The following HERC2 variants were observed in gnomAD, a reference collection of about 807,000 sequenced individuals.
HERC2 encodes E3 ubiquitin-protein ligase HERC2.
In HERC2, 102 loss-of-function variants were observed where a neutral mutation model predicts 537.7. That is an observed-to-expected ratio of 0.19 (90% confidence interval 0.16 to 0.22). The LOEUF is 0.22. Among genes scored for constraint, HERC2 ranks in the 10% least tolerant of loss-of-function variants. The pLI is 1.00. For synonymous variants in HERC2, 2,224 were observed against 2,466.2 expected, an observed-to-expected ratio of 0.90 and a Z score of 2.91; for missense variants, 4,236 against 6,198.2, an observed-to-expected ratio of 0.68 and a Z score of 10.63.
chr15:28,292,784 T>C lies in HERC2; in HGVS notation c.322+104A>G, dbSNP rs953329809. 9.2e-6 allele frequency: 11 copies of C among 1,200,244 alleles called. No homozygotes were observed. The African/African-American group carries it at 1.2e-4, about 14-fold the overall frequency. The allele number at this position is 1,200,244 out of a possible 1,614,324, so 74.3% of individuals were successfully genotyped here. On this transcript the variant is annotated intron_variant, in intron 4 of 92. Transcript: ENST00000261609. ...CACAATATTTAAATTTTTTATTTAC[T>C]TTTTTTAAAATTGTTACCAAAAAAA...
At chr15:28,139,619 A>ATTACAATTTT (rs1890989432) in intron 78 of HERC2, among the ~76,000 whole-genome samples, 1 of 152,214 alleles carries the variant, frequency 6.6e-6, no homozygotes, top group Admixed American at 6.5e-5. Context: ...AGAGTATCTC[A>ATTACAATTTT]CTCATGAATA....
rs1349815255 is a variant in HERC2 at position 28,268,684 on chromosome 15, C to T, written c.1447-68G>A. On this transcript the variant is annotated intron_variant, in intron 11 of 92. Transcript: ENST00000261609. This position sits in a 1 kb window ranked among gnomAD's most constrained non-coding sequence, Gnocchi z 4.7. The stretch of plus-strand genomic sequence containing the variant: ...GGAAAATGAAACCAGCTCAGCTCTC[C>T]GTTATCATGTATCCCCAAGCAAAGC... 39 of 1,334,174 alleles carry T rather than the reference C, an allele frequency of 2.9e-5. No homozygotes were observed. The East Asian group carries it at 3.7e-4, about 13-fold the overall frequency. The allele number at this position is 1,334,174 out of a possible 1,614,324, so 82.6% of individuals were successfully genotyped here.
chr15:28,233,080 A>C, intron 30 of HERC2, 66 bp downstream of exon 30: 2 of 1,247,648 alleles, frequency 1.6e-6, no homozygotes, highest in African/African-American at 1.5e-5. Flanking sequence ...CTCTGAAATC[A>C]CAGATCCAAT....
chr15:28,175,293 C>T (rs568210841), intron 64 of HERC2, among the ~76,000 whole-genome samples: 5 of 152,180 alleles, frequency 3.3e-5, no homozygotes, highest in African/African-American at 7.2e-5. Context: ...AGAGTGGGAA[C>T]GCCTCTTTTC....
intron 45 of HERC2, among the ~76,000 whole-genome samples, chr15:28,204,932 G>A (rs1247306637): frequency 1.3e-5 from 2 of 151,976 alleles, no homozygotes; most frequent in African/African-American, 2.4e-5. Context: ...AAGGCAGGGG[G>A]AAAAAACAAT....
chr15:28,187,521 C>T lies in HERC2; in HGVS notation c.8650-769G>A, dbSNP rs542991136. Among the ~76,000 whole-genome samples, 142 of 152,134 alleles carry T rather than the reference C, an allele frequency of 9.3e-4. 2 individuals carry two copies. The South Asian group carries it at 0.028, about 30-fold the overall frequency. ...TAATTTTTTGTATTTTTAGTAGAGA[C>T]AAGGTTTCACCATGTTGGCTAGGCT... On this transcript the variant is annotated intron_variant, in intron 55 of 92. Coordinates refer to ENST00000261609, the MANE Select transcript of HERC2 (RefSeq NM_004667.6).
At chr15:28,292,859 T>C in intron 4 of HERC2, 29 bp downstream of exon 4, 3 of 1,604,156 alleles carry the variant, frequency 1.9e-6, no homozygotes, top group Middle Eastern at 2.3e-4. Context: ...AGATCAACCT[T>C]TCCAAAGTGC....
At position 28,322,094 on chromosome 15, in the gene HERC2, C is replaced by G. The variant is rs1320780106; in HGVS notation, c.-51G>C. On this transcript the variant is annotated 5_prime_UTR_variant, in exon 1 of 93. Transcript: ENST00000261609. ...CAGGACCTGACGCGCAGGGCCCGGC[C>G]GCCTCGCCTCGCCGGCGCGCGGACG... is the stretch of plus-strand genomic sequence containing the variant. 4 of 84,338 alleles carry G rather than the reference C, an allele frequency of 4.7e-5. No individual in the cohort carries two copies. The highest frequency in any genetic ancestry group is 2.3e-4 in the African/African-American group (4 of 17,712). The allele number at this position is 84,338 out of a possible 1,614,324, so 5.2% of individuals were successfully genotyped here. A position where few individuals can be genotyped will look rare whatever the true frequency, so the allele number is the denominator to read the frequency against.
chr15:28,239,752 G>A (rs901939032), intron 23 of HERC2, among the ~76,000 whole-genome samples: 1 of 150,542 alleles, frequency 6.6e-6, no homozygotes, highest in Non-Finnish European at 1.5e-5. Flanking sequence ...TGTTGGTCTA[G>A]AATAAGAGAA....
chr15:28,113,810 T>G lies in HERC2; in HGVS notation c.13914-132A>C. 2.8e-6 allele frequency: 2 copies of G among 711,924 alleles called. No individual in the cohort carries two copies. Among genetic ancestry groups the G allele is most frequent in the South Asian group, 3.3e-5 (2 of 60,762 alleles). The allele number at this position is 711,924 out of a possible 1,614,324, so 44.1% of individuals were successfully genotyped here. On this transcript the variant is annotated intron_variant, in intron 90 of 92. Transcript: ENST00000261609. This position sits in a 1 kb window ranked among gnomAD's most constrained non-coding sequence, Gnocchi z 7.0. ...GGAGAACAGAGGGAGCAGCTCCAGA[T>G]GGCATGAGCATGCTTAGCAGCTCGG...
At position 28,169,550 on chromosome 15, in the gene HERC2, T is replaced by A; in HGVS notation, c.10163A>T (p.Asp3388Val). ...PSLAKILLSL[D>V]GNLAKQQALS... ...GGCCTGCTGTTTGGCCAGATTTCCA[T>A]CCAATGACAAGAGAATCTTGGCAAG... The change falls in exon 66 of 93, where the codon GAT (aspartate) becomes GTT (valine). Residue 3388 changes from aspartate to valine, a missense_variant. Transcript: ENST00000261609. 1 of 1,613,228 alleles carries A rather than the reference T, an allele frequency of 6.2e-7. No homozygotes were observed. Among genetic ancestry groups the A allele is most frequent in the Non-Finnish European group, 8.5e-7 (1 of 1,179,326 alleles).
At chr15:28,212,770 T>A (rs968411420) in intron 42 of HERC2, 187 bp from the exon 43 acceptor site, 4 of 222,428 alleles carry the variant, frequency 1.8e-5, no homozygotes, top group African/African-American at 9.4e-5. Flanking sequence ...ATATAATAAG[T>A]ATAATCTATA....
At chr15:28,273,804 T>C (rs1051867179) in intron 7 of HERC2, among the ~76,000 whole-genome samples, 1 of 152,230 alleles carries the variant, frequency 6.6e-6, no homozygotes, top group Admixed American at 6.5e-5. Context: ...CAAAAATGCA[T>C]AGCACCCAAG....
At chr15:28,244,363 G>A (rs762397802) in intron 23 of HERC2, among the ~76,000 whole-genome samples, 35 of 152,104 alleles carry the variant, frequency 2.3e-4, no homozygotes, top group Admixed American at 2.0e-3. Context: ...TATGAAGTCC[G>A]AGAACAGACA....
intron 2 of HERC2, among the ~76,000 whole-genome samples, chr15:28,304,878 A>G (rs1453075352): frequency 1.5e-5 from 1 of 68,460 alleles, no homozygotes; most frequent in African/African-American, 5.4e-5. Context: ...ACCCCACCCC[A>G]CCACAGTCCC....
chr15:28,267,234 C>T (rs1483248869), intron 12 of HERC2, among the ~76,000 whole-genome samples: 1 of 152,168 alleles, frequency 6.6e-6, no homozygotes, highest in African/African-American at 2.4e-5. Context: ...TGACTCTACT[C>T]CAGTACAAAC....
intron 83 of HERC2, 64 bp downstream of exon 83, chr15:28,130,099 T>C: frequency 6.3e-7 from 1 of 1,588,592 alleles, no homozygotes; most frequent in Non-Finnish European, 8.6e-7. Flanking sequence ...GCTGCGCATG[T>C]CCTTCATGCT....
intron 84 of HERC2, 26 bp from the exon 85 acceptor site, chr15:28,124,260 C>T (rs762038719): frequency 1.4e-6 from 2 of 1,413,900 alleles, no homozygotes; most frequent in Non-Finnish European, 1.9e-6. Flanking sequence ...GGCCTTCAGC[C>T]CCTCAGGCAC....
intron 69 of HERC2, among the ~76,000 whole-genome samples, chr15:28,153,521 C>T (rs946090655): frequency 1.3e-5 from 2 of 151,888 alleles, no homozygotes; most frequent in African/African-American, 4.8e-5. Flanking sequence ...TATGGTGGCC[C>T]GTGCCTGTAG....
Sources: gnomAD v4.1 joint callset for allele counts (sites outside exome capture counted in the v4.1 genomes callset) on GRCh38, gnomAD v4.1.1 for gene constraint, Gnocchi (gnomAD v3.1) non-coding constraint, MANE v1.5 for transcripts, NCBI Gene and HGNC (gene_info 2026-07-23, HGNC 2026-07-21) for gene names.